CDH13: variants seen among roughly 807,000 people sequenced by gnomAD.
CDH13 encodes cadherin-13.
Under a neutral mutation model 63.8 loss-of-function variants are expected in CDH13, and 24 were observed. That is an observed-to-expected ratio of 0.38 (90% CI 0.27 to 0.53). The LOEUF (loss-of-function observed/expected upper bound fraction) is 0.53. CDH13 is among the 20% of genes least tolerant of loss of function. The pLI, the probability that CDH13 is intolerant of heterozygous loss-of-function variation, is 0.85. For synonymous variants in CDH13, 503 were observed against 355.3 expected, an observed-to-expected ratio of 1.42 and a Z score of -4.67; for missense variants, 1,049 against 903.1, an observed-to-expected ratio of 1.16 and a Z score of -2.07.
At chr16:83,571,357 G>A (rs1904604676) in intron 7 of CDH13, among the ~76,000 whole-genome samples, 1 of 152,008 alleles carries the variant, frequency 6.6e-6, no homozygotes, top group Admixed American at 6.6e-5. Context: ...AAGCTCTAAC[G>A]GTCTTCATTT....
At chr16:82,852,389 A>G (rs1040483633) in intron 1 of CDH13, among the ~76,000 whole-genome samples, 7 of 152,162 alleles carry the variant, frequency 4.6e-5, no homozygotes, top group African/African-American at 1.7e-4. Context: ...CTTCTGTGCA[A>G]TGACTGATTC....
In CDH13 at chr16:82,912,013, C is replaced by G. The variant is rs180760806; in HGVS notation, c.157+53540C>G. 1.9e-3 allele frequency among the ~76,000 whole-genome samples: 294 copies of G among 152,098 alleles called. 2 individuals are homozygous for G. Among genetic ancestry groups the G allele is most frequent in the African/African-American group, 7.0e-3 (289 of 41,502 alleles). ...TCAGCCACTGTCTAACCAGCTCTTC[C>G]GTGTGCAGCCCTCAGAGCCCCAGCT... On this transcript the variant is annotated intron_variant, in intron 2 of 13. Coordinates refer to ENST00000567109, the MANE Select transcript of CDH13 (RefSeq NM_001257.5).
At chr16:82,737,709 G>A (rs2033742287) in intron 1 of CDH13, among the ~76,000 whole-genome samples, 1 of 152,124 alleles carries the variant, frequency 6.6e-6, no homozygotes, top group Non-Finnish European at 1.5e-5. Flanking sequence ...GTTCTATAGA[G>A]GACACCTTCC....
At chr16:83,002,733 G>A (rs773512623) in intron 2 of CDH13, among the ~76,000 whole-genome samples, 1 of 152,196 alleles carries the variant, frequency 6.6e-6, no homozygotes, top group Admixed American at 6.5e-5. Flanking sequence ...GGGGCGTTCA[G>A]AGACTGGGAG....
In CDH13 at chr16:83,306,506, A is replaced by C. The variant is rs567737622; in HGVS notation, c.637-38356A>C. On this transcript the variant is annotated intron_variant, in intron 5 of 13. Transcript: ENST00000567109. ...GGTTTCATTCCCTTGGCATGTGCCC[A>C]CTTCCCCTTTGACTTTCTCTACCTT... Among the ~76,000 whole-genome samples the C allele has an allele frequency of 5.9e-5, 9 of 152,306 alleles. No individual in the cohort carries two copies. The South Asian group carries it at 1.9e-3, about 32-fold the overall frequency.
intron 4 of CDH13, among the ~76,000 whole-genome samples, chr16:83,193,565 C>T (rs893571749): frequency 6.6e-6 from 1 of 152,190 alleles, no homozygotes; most frequent in African/African-American, 2.4e-5. Context: ...TGTGGTCTCC[C>T]TGAGACCTTT....
intron 1 of CDH13, among the ~76,000 whole-genome samples, chr16:82,783,727 G>A (rs1334627638): frequency 1.3e-5 from 2 of 152,102 alleles, no homozygotes; most frequent in African/African-American, 2.4e-5. Flanking sequence ...CCTCCCTTCC[G>A]AGGCAAGGGC....
chr16:83,169,287 C>T (rs1195159987), intron 4 of CDH13, among the ~76,000 whole-genome samples: 2 of 151,954 alleles, frequency 1.3e-5, no homozygotes, highest in Non-Finnish European at 2.9e-5. Flanking sequence ...AGCGATTCTC[C>T]TGTCTCACCC....
rs534732658 is a variant in CDH13 at position 83,231,933 on chromosome 16, G to A, written c.636+14436G>A. 2.6e-5 allele frequency among the ~76,000 whole-genome samples: 4 copies of A among 152,258 alleles called. No individual in the cohort carries two copies. The South Asian group carries it at 8.3e-4, about 32-fold the overall frequency. The stretch of plus-strand genomic sequence containing the variant: ...GTTCTTGCTCAGCTATTTCACATGA[G>A]ATCAGGATGTTTATAAAAGAATGTG... On this transcript the variant is annotated intron_variant, in intron 5 of 13. Coordinates refer to ENST00000567109, the MANE Select transcript of CDH13 (RefSeq NM_001257.5).
At position 83,347,999 on chromosome 16, in the gene CDH13, G is replaced by A. The variant is rs866276344; in HGVS notation, c.781+2993G>A. The stretch of plus-strand genomic sequence containing the variant: ...GAGGTCAGGAGTTGGAGACCAGCCT[G>A]GACAATGTGGTGAAACCCCATTGCT... On this transcript the variant is annotated intron_variant, in intron 6 of 13. Coordinates refer to ENST00000567109, the MANE Select transcript of CDH13 (RefSeq NM_001257.5). Among the ~76,000 whole-genome samples, 120 of 152,232 alleles carry A rather than the reference G, an allele frequency of 7.9e-4. 1 individual carries two copies. Among genetic ancestry groups the A allele is most frequent in the Middle Eastern group, 6.8e-3 (2 of 294 alleles).
chr16:82,924,079 AG>A (rs2042235125), intron 2 of CDH13, among the ~76,000 whole-genome samples: 1 of 152,254 alleles, frequency 6.6e-6, no homozygotes, highest in East Asian at 1.9e-4. Context: ...AAGTTGATGG[AG>A]ATTACCCAAT....
At chr16:83,164,976 C>A (rs146549577) in intron 4 of CDH13, among the ~76,000 whole-genome samples, 1 of 151,462 alleles carries the variant, frequency 6.6e-6, no homozygotes. Context: ...GGAGACAATC[C>A]AGGCAGCCTG....
chr16:83,392,234 C>T (rs566564683), intron 6 of CDH13, among the ~76,000 whole-genome samples: 2 of 152,338 alleles, frequency 1.3e-5, no homozygotes, highest in East Asian at 3.9e-4. Context: ...CCCCAAACCT[C>T]AGTTTCCTCA....
At chr16:83,449,897 G>A (rs1468238368) in intron 6 of CDH13, among the ~76,000 whole-genome samples, 1 of 152,222 alleles carries the variant, frequency 6.6e-6, no homozygotes, top group Non-Finnish European at 1.5e-5. Context: ...TGCCGAATAA[G>A]TGACGGCTGC....
intron 7 of CDH13, among the ~76,000 whole-genome samples, chr16:83,504,231 C>A (rs1229305492): frequency 6.6e-6 from 1 of 152,168 alleles, no homozygotes; most frequent in African/African-American, 2.4e-5. Flanking sequence ...GGTTGCTGCA[C>A]CCTTGGTGAA....
At position 83,093,294 on chromosome 16, in the gene CDH13, C is replaced by CTTTTT. The variant is rs549590536; in HGVS notation, c.367-32057_367-32053dup. Among the ~76,000 whole-genome samples the CTTTTT allele has an allele frequency of 5.7e-5, 2 of 35,324 alleles. 1 individual carries two copies. Among genetic ancestry groups the CTTTTT allele is most frequent in the Non-Finnish European group, 1.1e-4 (2 of 17,916 alleles). 23.2% of individuals were successfully genotyped at this position (35,324 alleles called of 152,430 possible). A position where few individuals can be genotyped will look rare whatever the true frequency, so the allele number is the denominator to read the frequency against. ...TTGTCCTGTGGAAACACCATAAGTACTTTTTTTTTTTTTTTTTTTTTTTTT... is the reference window on the plus strand; with the variant it reads ...TTGTCCTGTGGAAACACCATAAGTACTTTTTTTTTTTTTTTTTTTTTTTTTTTTTT... On this transcript the variant is annotated intron_variant, in intron 3 of 13. Coordinates refer to ENST00000567109, the MANE Select transcript of CDH13 (RefSeq NM_001257.5).
At chr16:83,660,119 T>A (rs1913304929) in intron 8 of CDH13, among the ~76,000 whole-genome samples, 1 of 152,140 alleles carries the variant, frequency 6.6e-6, no homozygotes, top group Non-Finnish European at 1.5e-5. Flanking sequence ...AGGAACTGGT[T>A]TTGTGGAAGA....
intron 1 of CDH13, among the ~76,000 whole-genome samples, chr16:82,755,803 G>T (rs866575836): frequency 2.6e-5 from 4 of 152,144 alleles, no homozygotes; most frequent in African/African-American, 9.7e-5. Context: ...GGCCTTACTG[G>T]GGATTTAGGC....
At chr16:83,285,938 C>T (rs942736540) in intron 5 of CDH13, among the ~76,000 whole-genome samples, 2 of 152,158 alleles carry the variant, frequency 1.3e-5, no homozygotes, top group African/African-American at 2.4e-5. Flanking sequence ...GACCAAGGAG[C>T]GTGGGCGAAC....
Sources: gnomAD v4.1 joint callset for allele counts (sites outside exome capture counted in the v4.1 genomes callset) on GRCh38, gnomAD v4.1.1 for gene constraint, MANE v1.5 for transcripts, NCBI Gene and HGNC (gene_info 2026-07-23, HGNC 2026-07-21) for gene names.